CELF5: variants seen among roughly 807,000 people sequenced by gnomAD.
CELF5 encodes CUG-BP and ETR-3 like factor 5.
CELF5 carries 6 observed loss-of-function variants against 54.9 expected under a neutral mutation model. That is an observed-to-expected ratio of 0.11 (90% confidence interval 0.06 to 0.22). The LOEUF (loss-of-function observed/expected upper bound fraction) is 0.22, where lower values mean the gene tolerates loss of function less well. Among genes scored for constraint, CELF5 ranks in the 10% least tolerant of loss-of-function variants. The pLI, the probability that CELF5 is intolerant of heterozygous loss-of-function variation, is 1.00. For synonymous variants in CELF5, 271 were observed against 290.9 expected (o/e 0.93, Z 0.70); for missense variants, 401 against 678.6 (o/e 0.59, Z 4.54).
chr19:3,238,630 T>G (rs887083838), intron 1 of CELF5, among the ~76,000 whole-genome samples: 2 of 152,014 alleles, frequency 1.3e-5, no homozygotes, highest in African/African-American at 4.8e-5. Flanking sequence ...TCCTCTCCTC[T>G]GTGTTATAAG....
chr19:3,282,467 C>G lies in CELF5; in HGVS notation c.1008C>G (p.Thr336=). The change falls in exon 8 of 13, where the codon ACC becomes ACG. Residue 336 remains threonine, a synonymous_variant. Coordinates refer to ENST00000292672, the MANE Select transcript of CELF5 (RefSeq NM_021938.4). The surrounding 1 kb of genome is among the most constrained non-coding windows in gnomAD (Gnocchi z 5.2). ...CAGGTGGGCACCCTGCCCTGGAAAC[C>G]GTCTATGCCAATGGCCTTGTGCCCT... The part of the protein sequence containing the change: ...PFPGGHPALE[T]VYANGLVPYP... 1 of 1,613,704 alleles carries G rather than the reference C, an allele frequency of 6.2e-7. No individual in the cohort carries two copies. The highest frequency in any genetic ancestry group is 8.5e-7 in the Non-Finnish European group (1 of 1,180,000).
intron 8 of CELF5, among the ~76,000 whole-genome samples, chr19:3,284,249 A>C (rs1401798282): frequency 6.6e-6 from 1 of 151,960 alleles, no homozygotes; most frequent in Non-Finnish European, 1.5e-5. Flanking sequence ...TGGATCTCCC[A>C]CAGTGAAGAT....
Position 3,281,479 on chromosome 19 carries a change from C to A in CELF5, c.750+134C>A. The A allele has an allele frequency of 1.0e-6, 1 of 970,236 alleles. No individual in the cohort carries two copies. Among genetic ancestry groups the A allele is most frequent in the Admixed American group, 2.5e-5 (1 of 40,486 alleles). 60.1% of individuals were successfully genotyped at this position (970,236 alleles called of 1,614,324 possible). A position where few individuals can be genotyped will look rare whatever the true frequency, so the allele number is the denominator to read the frequency against. On this transcript the variant is annotated intron_variant, in intron 6 of 12. Transcript: ENST00000292672. The surrounding 1 kb of genome is among the most constrained non-coding windows in gnomAD (Gnocchi z 6.5). ...CTCCTGGCGTGGCTGAACCCCAACT[C>A]CAAATTGAGACCAAGCTCAGACCGA... is the stretch of plus-strand genomic sequence containing the variant.
chr19:3,231,613 ATAGATGGATGGATGG>A (rs1428902204), intron 1 of CELF5, among the ~76,000 whole-genome samples: 6 of 147,220 alleles, frequency 4.1e-5, no homozygotes, highest in African/African-American at 1.5e-4. Context: ...GGATGGATGG[ATAGATGGATGGATGG>A]TAGATGGGTG....
chr19:3,252,691 G>A lies in CELF5; in HGVS notation c.342+1624G>A, dbSNP rs150530575. On this transcript the variant is annotated intron_variant, in intron 2 of 12. Transcript: ENST00000292672. Reference sequence around the variant, plus strand: ...TGAGCATTGGAAGGTTCTGGGCCTGGGGGTGGCCTCTGCTTGGTCTTGAAG... The same window carrying A: ...TGAGCATTGGAAGGTTCTGGGCCTGAGGGTGGCCTCTGCTTGGTCTTGAAG... Among the ~76,000 whole-genome samples, 658 of 152,196 alleles carry A rather than the reference G, an allele frequency of 4.3e-3. 1 individual carries two copies. Among genetic ancestry groups the A allele is most frequent in the Non-Finnish European group, 7.3e-3 (494 of 68,012 alleles).
intron 2 of CELF5, among the ~76,000 whole-genome samples, chr19:3,264,767 A>T (rs1168588921): frequency 6.7e-6 from 1 of 149,498 alleles, no homozygotes; most frequent in Non-Finnish European, 1.5e-5. Flanking sequence ...CCCAGGCCAG[A>T]GTGCAGTAGC....
intron 12 of CELF5, chr19:3,296,462 G>GAAA (rs2080453769): frequency 1.3e-5 from 1 of 74,494 alleles, no homozygotes; most frequent in Non-Finnish European, 2.7e-5. Flanking sequence ...AAAAAGAAAA[G>GAAA]AAAAAAGAAA....
Position 3,233,387 on chromosome 19 carries a change from C to T in CELF5, c.259+8389C>T, listed in dbSNP as rs149468413. Among the ~76,000 whole-genome samples the T allele has an allele frequency of 3.1e-3, 479 of 152,242 alleles. 1 individual carries two copies. Among genetic ancestry groups the T allele is most frequent in the African/African-American group, 0.011 (450 of 41,518 alleles). On this transcript the variant is annotated intron_variant, in intron 1 of 12. Transcript: ENST00000292672. ...CAATTCAGGGGGTAGGAGAGACTGA[C>T]GATAAACTAGGAAACAAATAAAGTT...
intron 2 of CELF5, among the ~76,000 whole-genome samples, chr19:3,258,222 T>C (rs1599428312): frequency 6.6e-6 from 1 of 152,118 alleles, no homozygotes. Flanking sequence ...CCTCCCAATA[T>C]GCTGGGATTA....
intron 2 of CELF5, among the ~76,000 whole-genome samples, chr19:3,257,833 A>ATTTG (rs2079752886): frequency 7.5e-6 from 1 of 132,832 alleles, no homozygotes; most frequent in African/African-American, 2.8e-5. Context: ...TTATTTATTT[A>ATTTG]TTTGAGACAG....
At chr19:3,226,575 T>C (rs1446562111) in intron 1 of CELF5, among the ~76,000 whole-genome samples, 1 of 151,638 alleles carries the variant, frequency 6.6e-6, no homozygotes, top group Non-Finnish European at 1.5e-5. Context: ...CCAGAGGTGA[T>C]AGGTGGGCTT....
intron 1 of CELF5, among the ~76,000 whole-genome samples, chr19:3,239,225 T>A (rs138508506): frequency 1.3e-5 from 2 of 151,546 alleles, no homozygotes; most frequent in African/African-American, 4.8e-5. Context: ...TCAGCCCGTT[T>A]AGTAGCTGGA....
intron 1 of CELF5, among the ~76,000 whole-genome samples, chr19:3,236,805 GA>G (rs1917623673): frequency 6.6e-6 from 1 of 151,538 alleles, no homozygotes; most frequent in African/African-American, 2.4e-5. Context: ...CCAACATGGT[GA>G]AACCCCATCT....
intron 1 of CELF5, among the ~76,000 whole-genome samples, chr19:3,235,705 GATGGATGGATGT>G (rs1917550824): frequency 1.0e-4 from 15 of 148,042 alleles, no homozygotes; most frequent in East Asian, 6.2e-4. Flanking sequence ...TGGATGGATG[GATGGATGGATGT>G]GTGGATGGGT....
At chr19:3,238,784 A>G (rs1214983385) in intron 1 of CELF5, among the ~76,000 whole-genome samples, 1 of 152,122 alleles carries the variant, frequency 6.6e-6, no homozygotes, top group Non-Finnish European at 1.5e-5. Flanking sequence ...ATACAAAATT[A>G]GCAGGGTGTG....
At chr19:3,226,796 A>G (rs1042701602) in intron 1 of CELF5, among the ~76,000 whole-genome samples, 5 of 150,774 alleles carry the variant, frequency 3.3e-5, no homozygotes, top group African/African-American at 1.2e-4. Flanking sequence ...TTATTTTTAA[A>G]TCTCTGGGAA....
At chr19:3,245,346 G>A (rs2079551959) in intron 1 of CELF5, among the ~76,000 whole-genome samples, 1 of 147,282 alleles carries the variant, frequency 6.8e-6, no homozygotes, top group Non-Finnish European at 1.5e-5. Context: ...GCGTGTGTTT[G>A]TGTGCATGCA....
intron 2 of CELF5, among the ~76,000 whole-genome samples, chr19:3,263,672 AG>A (rs1485464282): frequency 6.6e-6 from 1 of 152,200 alleles, no homozygotes; most frequent in Non-Finnish European, 1.5e-5. Context: ...TGGGAGGCTG[AG>A]GCGGGTGGAT....
intron 1 of CELF5, among the ~76,000 whole-genome samples, chr19:3,235,318 T>C (rs1416482769): frequency 6.6e-6 from 1 of 152,034 alleles, no homozygotes; most frequent in Non-Finnish European, 1.5e-5. Context: ...CTTTCCTTTT[T>C]TTTTTCCTGT....
Sources: allele counts gnomAD v4.1 joint callset (sites outside exome capture counted in the v4.1 genomes callset), GRCh38; gene constraint gnomAD v4.1.1; non-coding constraint Gnocchi (gnomAD v3.1); transcripts MANE v1.5; gene names NCBI Gene and HGNC (gene_info 2026-07-23, HGNC 2026-07-21).